ABCB1: variants seen among roughly 807,000 people sequenced by gnomAD.
ABCB1 encodes the protein ATP binding cassette subfamily B member 1.
A neutral mutation model predicts 142.0 loss-of-function variants in ABCB1; 69 were observed. That is an observed-to-expected ratio of 0.49 (90% CI 0.40 to 0.59). The LOEUF is 0.59. ABCB1 is among the 20% of genes least tolerant of loss of function. The probability of loss-of-function intolerance (pLI) is 0.00; values close to 1 mark genes in which losing one functional copy is unlikely to be tolerated. For missense variants in ABCB1, 1,326 were observed against 1,554.7 expected (o/e 0.85, Z 2.47); for synonymous variants, 532 against 539.2 (o/e 0.99, Z 0.18).
intron 1 of ABCB1, among the ~76,000 whole-genome samples, chr7:87,639,597 G>A (rs933861108): frequency 2.6e-5 from 4 of 151,986 alleles, no homozygotes; most frequent in African/African-American, 9.7e-5. Context: ...TTAGAATTGT[G>A]GTCTCTTCCT....
At chr7:87,507,667 G>A (rs1161253539) in intron 26 of ABCB1, among the ~76,000 whole-genome samples, 2 of 152,160 alleles carry the variant, frequency 1.3e-5, no homozygotes, top group Admixed American at 6.5e-5. Context: ...GCCACCTGGT[G>A]TTGCTTGCCT....
At chr7:87,710,625 C>G (rs759027514) in intron 1 of ABCB1, 3 of 1,601,016 alleles carry the variant, frequency 1.9e-6, no homozygotes, top group East Asian at 2.2e-5. Flanking sequence ...GAATACATCT[C>G]TACAGCTCTG....
chr7:87,585,367 C>T, intron 4 of ABCB1, 145 bp downstream of exon 4: 3 of 793,076 alleles, frequency 3.8e-6, no homozygotes, highest in South Asian at 1.6e-5. Flanking sequence ...TAACTCACTA[C>T]AAATATGAAT....
chr7:87,544,803 C>T lies in ABCB1; in HGVS notation c.2064+20G>A. 1 of 1,613,688 alleles carries T rather than the reference C, an allele frequency of 6.2e-7. No homozygotes were observed. Among genetic ancestry groups the T allele is most frequent in the Non-Finnish European group, 8.5e-7 (1 of 1,179,880 alleles). Reference sequence around the variant, plus strand: ...CCACAGTTAGTGAGATTAAAACAAACTCCGCATCTCCCTTCATACCAGAGC... The same window carrying T: ...CCACAGTTAGTGAGATTAAAACAAATTCCGCATCTCCCTTCATACCAGAGC... On this transcript the variant is annotated intron_variant, in intron 16 of 27. Coordinates refer to ENST00000622132, the MANE Select transcript of ABCB1 (RefSeq NM_001348946.2).
chr7:87,504,580 G>A lies in ABCB1; in HGVS notation c.3637-131C>T, dbSNP rs368190254. 6.3e-4 allele frequency: 763 copies of A among 1,208,182 alleles called. 6 individuals are homozygous for A. In the African/African-American group the frequency reaches 9.5e-3, roughly 15 times the overall value. The allele number at this position is 1,208,182 out of a possible 1,614,324, so 74.8% of individuals were successfully genotyped here. A position where few individuals can be genotyped will look rare whatever the true frequency, so the allele number is the denominator to read the frequency against. On this transcript the variant is annotated intron_variant, in intron 27 of 27. Coordinates refer to ENST00000622132, the MANE Select transcript of ABCB1 (RefSeq NM_001348946.2). ...TCCCAGCACTTTGGGAGGCCAAGGCGGGCAGATCACAAGGTCAGATTGAGA... is the reference window on the plus strand; with the variant it reads ...TCCCAGCACTTTGGGAGGCCAAGGCAGGCAGATCACAAGGTCAGATTGAGA...
At chr7:87,697,108 A>C (rs1278347800) in intron 1 of ABCB1, among the ~76,000 whole-genome samples, 1 of 152,216 alleles carries the variant, frequency 6.6e-6, no homozygotes, top group Non-Finnish European at 1.5e-5. Context: ...ACCATGTCCT[A>C]TGCCAAAGTC....
chr7:87,578,245 T>C (rs1482482003), intron 4 of ABCB1, among the ~76,000 whole-genome samples: 1 of 152,226 alleles, frequency 6.6e-6, no homozygotes, highest in African/African-American at 2.4e-5. Flanking sequence ...TGTGGATTTA[T>C]GTCTGCATTC....
intron 1 of ABCB1, among the ~76,000 whole-genome samples, chr7:87,685,515 A>T (rs1827368872): frequency 6.6e-6 from 1 of 152,180 alleles, no homozygotes; most frequent in South Asian, 2.1e-4. Context: ...AAAGGAAAAA[A>T]AATTTCCACA....
intron 9 of ABCB1, among the ~76,000 whole-genome samples, chr7:87,552,888 G>T (rs1197042230): frequency 6.6e-6 from 1 of 151,990 alleles, no homozygotes; most frequent in Non-Finnish European, 1.5e-5. Flanking sequence ...ATTAGATCCA[G>T]ATATGAATTG....
At chr7:87,668,864 T>G (rs1284151812) in intron 1 of ABCB1, among the ~76,000 whole-genome samples, 1 of 152,178 alleles carries the variant, frequency 6.6e-6, no homozygotes, top group Non-Finnish European at 1.5e-5. Context: ...TTTCAGTTCT[T>G]TTACATTTGT....
rs549922223 is a variant in ABCB1, at chr7:87,707,338, A to G, written c.-331+5823T>C. On this transcript the variant is annotated intron_variant, in intron 1 of 28. Coordinates refer to the ABCB1 transcript ENST00000265724. ...CAAGAAAATGGAAATAAATATGAAT[A>G]TTACTAGACAACTGAAATACATAAA... Among the ~76,000 whole-genome samples the G allele has an allele frequency of 5.3e-5, 8 of 152,276 alleles. 1 individual carries two copies. The South Asian group carries it at 1.7e-3, about 32-fold the overall frequency.
intron 1 of ABCB1, among the ~76,000 whole-genome samples, chr7:87,675,091 G>A (rs899639211): frequency 6.6e-6 from 1 of 152,198 alleles, no homozygotes; most frequent in Admixed American, 6.5e-5. Context: ...TGGTGAGAGC[G>A]GGCCGCTCCT....
intron 1 of ABCB1, among the ~76,000 whole-genome samples, chr7:87,686,155 T>A (rs972768076): frequency 6.6e-6 from 1 of 152,218 alleles, no homozygotes; most frequent in Admixed American, 6.5e-5. Flanking sequence ...ACCCACAATT[T>A]TTTTTCTTAC....
At chr7:87,549,153 T>C (rs1816935829) in intron 14 of ABCB1, among the ~76,000 whole-genome samples, 195 bp downstream of exon 14, 1 of 152,128 alleles carries the variant, frequency 6.6e-6, no homozygotes, top group Non-Finnish European at 1.5e-5. Context: ...ATCAGAGAAA[T>C]AAATAGAAAT....
intron 1 of ABCB1, among the ~76,000 whole-genome samples, chr7:87,687,375 A>G (rs1377229067): frequency 1.3e-5 from 2 of 152,290 alleles, no homozygotes; most frequent in African/African-American, 4.8e-5. Flanking sequence ...TAACCCTTCC[A>G]CTATATTTTA....
upstream of ABCB1, among the ~76,000 whole-genome samples, chr7:87,601,399 GA>G (rs1819452364): frequency 6.6e-6 from 1 of 152,142 alleles, no homozygotes; most frequent in Non-Finnish European, 1.5e-5. Context: ...TGGAATGAAA[GA>G]AAAAGGAAGT....
intron 1 of ABCB1, among the ~76,000 whole-genome samples, chr7:87,712,320 AAAATG>A (rs1400813739): frequency 1.3e-5 from 2 of 152,146 alleles, no homozygotes; most frequent in African/African-American, 4.8e-5. Flanking sequence ...TGAACTTTAT[AAAATG>A]AAACATTTAT....
chr7:87,546,102 G>T, intron 14 of ABCB1, 78 bp from the exon 15 acceptor site: 1 of 1,434,074 alleles, frequency 7.0e-7, no homozygotes, highest in Non-Finnish European at 9.8e-7. Flanking sequence ...TATATTTACT[G>T]AACCAATGCT....
At position 87,553,893 on chromosome 7, in the gene ABCB1, T is replaced by C. The variant is rs1817201810; in HGVS notation, c.867A>G (p.Ile289Met). 6.2e-7 allele frequency: 1 copy of C among 1,614,084 alleles called. No homozygotes were observed. Among genetic ancestry groups the C allele is most frequent in the Non-Finnish European group, 8.5e-7 (1 of 1,179,968 alleles). Residue 289 changes from isoleucine (I) to methionine (M), a missense_variant, in exon 9 of 28, where the codon ATA becomes ATG. By Grantham distance (10) the Ile-to-Met change is conservative. Coordinates refer to ENST00000622132, the MANE Select transcript of ABCB1 (RefSeq NM_001348946.2). ...AAATATTGGCTGTAATAGCTTTCTT[T>C]ATCCCAATTCTTTTAGCTTCTTCTA... Reference protein sequence around the residue: ...KNLEEAKRIGIKKAITANISI... With the variant: ...KNLEEAKRIGMKKAITANISI...
Sources: gnomAD v4.1 joint callset for allele counts (sites outside exome capture counted in the v4.1 genomes callset) on GRCh38, gnomAD v4.1.1 for gene constraint, MANE v1.5 for transcripts, NCBI Gene and HGNC (gene_info 2026-07-23, HGNC 2026-07-21) for gene names.